The following XKR6 variants were observed in gnomAD, a reference collection of about 807,000 sequenced individuals.
The protein encoded by XKR6 is XK related 6, also known as XK-related protein 6.
XKR6 carries 22 observed loss-of-function variants against 56.7 expected under a neutral mutation model. That is an observed-to-expected ratio of 0.39 (90% CI 0.28 to 0.55). The LOEUF (loss-of-function observed/expected upper bound fraction) is 0.55, where lower values mean the gene tolerates loss of function less well. Among genes scored for constraint, XKR6 ranks in the 20% least tolerant of loss-of-function variants. The pLI, the probability that XKR6 is intolerant of heterozygous loss-of-function variation, is 0.66. For missense variants in XKR6, 852 were observed against 889.0 expected (o/e 0.96, Z 0.53); for synonymous variants, 524 against 387.8 (o/e 1.35, Z -4.13).
intron 1 of XKR6, among the ~76,000 whole-genome samples, chr8:11,171,186 C>T (rs1802349451): frequency 6.6e-6 from 1 of 152,252 alleles, no homozygotes; most frequent in African/African-American, 2.4e-5. Context: ...TGGTCCACCA[C>T]ACAGCCGACC....
At chr8:10,949,231 G>C (rs558696504) in intron 1 of XKR6, among the ~76,000 whole-genome samples, 40 of 152,346 alleles carry the variant, frequency 2.6e-4, no homozygotes, top group Non-Finnish European at 5.4e-4. Flanking sequence ...AAGATAAAGA[G>C]CGGAACAACC....
chr8:10,993,243 C>T (rs1007080121), intron 1 of XKR6, among the ~76,000 whole-genome samples: 5 of 152,232 alleles, frequency 3.3e-5, no homozygotes, highest in Non-Finnish European at 5.9e-5. Flanking sequence ...ATTCAAGTCA[C>T]ATTGAATGCC....
At chr8:11,160,381 C>A (rs1167402291) in intron 1 of XKR6, among the ~76,000 whole-genome samples, 1 of 150,518 alleles carries the variant, frequency 6.6e-6, no homozygotes, top group Non-Finnish European at 1.5e-5. Flanking sequence ...GCTGAGATGG[C>A]CTTTATGGGG....
chr8:11,017,740 C>A (rs982006223), intron 1 of XKR6, among the ~76,000 whole-genome samples: 1 of 152,154 alleles, frequency 6.6e-6, no homozygotes. Flanking sequence ...TGAGGACGGG[C>A]TGAGGTTCCC....
At chr8:10,964,513 C>T (rs1802158921) in intron 1 of XKR6, among the ~76,000 whole-genome samples, 1 of 152,204 alleles carries the variant, frequency 6.6e-6, no homozygotes, top group Non-Finnish European at 1.5e-5. Flanking sequence ...GCCCAATTCA[C>T]CCAGAGCATA....
chr8:11,171,796 T>C (rs1219145072), intron 1 of XKR6, among the ~76,000 whole-genome samples: 4 of 152,062 alleles, frequency 2.6e-5, no homozygotes, highest in African/African-American at 7.2e-5. Context: ...CTCACGCCTG[T>C]AATCCCAGCA....
At chr8:11,041,420 G>T (rs956177023) in intron 1 of XKR6, among the ~76,000 whole-genome samples, 8 of 152,090 alleles carry the variant, frequency 5.3e-5, no homozygotes, top group African/African-American at 7.2e-5. Context: ...GCTGGGCGTG[G>T]TGGTGCGTGC....
chr8:11,092,246 T>C (rs565803632), intron 1 of XKR6, among the ~76,000 whole-genome samples: 12 of 152,364 alleles, frequency 7.9e-5, no homozygotes, highest in African/African-American at 2.9e-4. Context: ...GTAAGAAATG[T>C]ATTTTTCACT....
chr8:11,200,479 C>A lies in XKR6; in HGVS notation c.764+97G>T, dbSNP rs1429708059. ...CGGCCGGTCCCTCCTTCGAGCCCCC[C>A]GCGCTGGGCCCTTTCGAGGGGCCGC... On this transcript the variant is annotated intron_variant, in intron 1 of 2. Transcript: ENST00000416569. The surrounding 1 kb of genome is among the most constrained non-coding windows in gnomAD (Gnocchi z 6.4). 1 of 1,320,142 alleles carries A rather than the reference C, an allele frequency of 7.6e-7. No homozygotes were observed. Among genetic ancestry groups the A allele is most frequent in the Non-Finnish European group, 9.6e-7 (1 of 1,036,706 alleles). The allele number at this position is 1,320,142 out of a possible 1,614,324, so 81.8% of individuals were successfully genotyped here.
intron 1 of XKR6, among the ~76,000 whole-genome samples, chr8:11,183,194 G>C (rs112913012): frequency 3.9e-5 from 6 of 152,216 alleles, no homozygotes; most frequent in South Asian, 4.1e-4. Context: ...ATATCTCCTT[G>C]AGACCCTCCT....
chr8:10,909,220 C>T (rs987839413), intron 2 of XKR6, among the ~76,000 whole-genome samples: 6 of 152,230 alleles, frequency 3.9e-5, no homozygotes, highest in South Asian at 2.1e-4. Context: ...TCTCTTTCCC[C>T]GCTCTTGCTA....
intron 1 of XKR6, among the ~76,000 whole-genome samples, chr8:10,930,522 C>A (rs1463058408): frequency 6.6e-6 from 1 of 152,120 alleles, no homozygotes; most frequent in East Asian, 1.9e-4. Flanking sequence ...ACAACATCTC[C>A]CATAAACATA....
At chr8:11,005,739 T>A (rs1166847720) in intron 1 of XKR6, among the ~76,000 whole-genome samples, 1 of 152,162 alleles carries the variant, frequency 6.6e-6, no homozygotes, top group Non-Finnish European at 1.5e-5. Flanking sequence ...ACAGTGGCTA[T>A]CTCTGAATGC....
intron 1 of XKR6, among the ~76,000 whole-genome samples, chr8:10,988,596 G>T (rs150006224): frequency 6.6e-6 from 1 of 152,282 alleles, no homozygotes; most frequent in African/African-American, 2.4e-5. Flanking sequence ...GAGCTACTGA[G>T]GACCAGGACT....
chr8:11,186,533 A>G lies in XKR6; in HGVS notation c.764+14043T>C, dbSNP rs75015180. Among the ~76,000 whole-genome samples the G allele has an allele frequency of 9.6e-3, 1,456 of 152,220 alleles. 8 individuals carry two copies. Among genetic ancestry groups the G allele is most frequent in the Non-Finnish European group, 0.014 (952 of 68,020 alleles). ...CTGGGAACCACAGGTGTGCCACACCACATCCAGCTCATCTATTTTTAATTT... is the reference window on the plus strand; with the variant it reads ...CTGGGAACCACAGGTGTGCCACACCGCATCCAGCTCATCTATTTTTAATTT... On this transcript the variant is annotated intron_variant, in intron 1 of 2. Coordinates refer to ENST00000416569, the MANE Select transcript of XKR6 (RefSeq NM_173683.4).
intron 1 of XKR6, among the ~76,000 whole-genome samples, chr8:11,037,279 G>A (rs891918202): frequency 4.6e-5 from 7 of 152,194 alleles, no homozygotes; most frequent in African/African-American, 1.7e-4. Context: ...AGGCTGGAGT[G>A]TGGTGGTACA....
At chr8:11,089,915 T>A (rs1798010204) in intron 1 of XKR6, among the ~76,000 whole-genome samples, 2 of 152,218 alleles carry the variant, frequency 1.3e-5, no homozygotes, top group Admixed American at 6.5e-5. Flanking sequence ...CATAAACATA[T>A]ATAATAGTTT....
chr8:11,188,962 G>A (rs1803411441), intron 1 of XKR6, among the ~76,000 whole-genome samples: 1 of 152,114 alleles, frequency 6.6e-6, no homozygotes, highest in African/African-American at 2.4e-5. Context: ...GCTTGCTGAT[G>A]TGCCACACTA....
intron 1 of XKR6, among the ~76,000 whole-genome samples, chr8:11,021,197 G>C (rs1798742239): frequency 6.6e-6 from 1 of 152,174 alleles, no homozygotes; most frequent in African/African-American, 2.4e-5. Flanking sequence ...AGACACTGCA[G>C]CCTCTTACAG....
Sources: gnomAD v4.1 joint callset for allele counts (sites outside exome capture counted in the v4.1 genomes callset) on GRCh38, gnomAD v4.1.1 for gene constraint, Gnocchi (gnomAD v3.1) non-coding constraint, MANE v1.5 for transcripts, NCBI Gene and HGNC (gene_info 2026-07-23, HGNC 2026-07-21) for gene names.